MYH15: variants seen among roughly 807,000 people sequenced by gnomAD.
MYH15 encodes myosin-15.
MYH15 carries 227 observed loss-of-function variants against 240.5 expected under a neutral mutation model. The ratio of observed to expected loss-of-function variants is 0.94; its 90% CI spans 0.85 to 1.05. The LOEUF (loss-of-function observed/expected upper bound fraction) is 1.05. Ranked by LOEUF, MYH15 falls within the 50% of genes least tolerant of loss-of-function variation. MYH15 has a pLI of 0.00. For synonymous variants in MYH15, 785 were observed against 796.7 expected, an observed-to-expected ratio of 0.99 and a Z score of 0.25; for missense variants, 2,217 against 2,247.5, an observed-to-expected ratio of 0.99 and a Z score of 0.27.
chr3:108,540,846 G>A, the MYH15 span, among the ~76,000 whole-genome samples: 4 of 151,950 alleles, frequency 2.6e-5, no homozygotes, highest in African/African-American at 7.2e-5. Flanking sequence ...ATGACAGAAC[G>A]GGTTTATTAT....
At chr3:108,550,881 T>A in the MYH15 span, 1 of 203,826 alleles carries the variant, frequency 4.9e-6, no homozygotes, top group East Asian at 1.1e-4. Flanking sequence ...AGAAAAATGA[T>A]AATGGAGGTT....
At chr3:108,426,519 C>A (rs967830829) in intron 27 of MYH15, among the ~76,000 whole-genome samples, 1 of 152,244 alleles carries the variant, frequency 6.6e-6, no homozygotes, top group Non-Finnish European at 1.5e-5. Context: ...CAGGTCACCA[C>A]TCTGGAAGGC....
chr3:108,515,565 C>T (rs1226760240), upstream of MYH15, among the ~76,000 whole-genome samples: 1 of 152,068 alleles, frequency 6.6e-6, no homozygotes, highest in Non-Finnish European at 1.5e-5. Flanking sequence ...TGTTATTTGC[C>T]ATCAAAATAT....
At chr3:108,422,796 T>C (rs992127285) in intron 27 of MYH15, among the ~76,000 whole-genome samples, 2 of 152,296 alleles carry the variant, frequency 1.3e-5, no homozygotes, top group South Asian at 2.1e-4. Context: ...TAGTTTTCAG[T>C]GTTAACCTAA....
rs1246749544 is a variant in MYH15, at chr3:108,380,963, G to A, written c.*582C>T. ...GGGGTTACCTCCATGTTTAAAGCAT[G>A]TACCAGCATATAGCCTACATGTGTG... On this transcript the variant is annotated 3_prime_UTR_variant, in exon 41 of 41. Coordinates refer to ENST00000693548, the MANE Select transcript of MYH15 (RefSeq NM_014981.3). 1 of 152,736 alleles carries A rather than the reference G, an allele frequency of 6.5e-6. No individual in the cohort carries two copies. The highest frequency in any genetic ancestry group is 1.5e-5 in the Non-Finnish European group (1 of 68,462). The allele number at this position is 152,736 out of a possible 1,614,324, so 9.5% of individuals were successfully genotyped here.
intron 33 of MYH15, among the ~76,000 whole-genome samples, chr3:108,403,469 G>A (rs1050326021): frequency 2.0e-5 from 3 of 147,176 alleles, no homozygotes; most frequent in Middle Eastern, 3.6e-3. Context: ...CTGGCTTATC[G>A]TTGATTGCTT....
rs1168170370 is a variant in MYH15, at chr3:108,478,095, G to GA, written c.1115-1581dup. Among the ~76,000 whole-genome samples the GA allele has an allele frequency of 2.5e-3, 368 of 148,176 alleles. 1 individual carries two copies. The highest frequency in any genetic ancestry group is 0.014 in the Middle Eastern group (4 of 288). On this transcript the variant is annotated intron_variant, in intron 11 of 40. Transcript: ENST00000693548. Reference sequence around the variant, plus strand: ...TGCAGCCTTTCTTTAATTCACTAAAGAAAAAAAAAGCTGCAAATTTTCCAG... The same window carrying GA: ...TGCAGCCTTTCTTTAATTCACTAAAGAAAAAAAAAAGCTGCAAATTTTCCAG...
intron 1 of MYH15, among the ~76,000 whole-genome samples, chr3:108,522,539 T>C (rs1474904260): frequency 6.6e-6 from 1 of 152,074 alleles, no homozygotes; most frequent in Non-Finnish European, 1.5e-5. Flanking sequence ...CTATGGATAA[T>C]TGACTTGACG....
intron 28 of MYH15, among the ~76,000 whole-genome samples, chr3:108,418,695 G>A (rs2082655484): frequency 6.6e-6 from 1 of 151,144 alleles, no homozygotes; most frequent in African/African-American, 2.4e-5. Context: ...GCAATGGTGC[G>A]ATCTCAGCTC....
intron 10 of MYH15, 105 bp from the exon 11 acceptor site, chr3:108,485,334 A>T: frequency 1.6e-6 from 2 of 1,270,668 alleles, no homozygotes; most frequent in Non-Finnish European, 2.2e-6. Context: ...GAGGGGAATG[A>T]GACAGACAGC....
intron 19 of MYH15, among the ~76,000 whole-genome samples, chr3:108,456,224 G>T (rs2140338): frequency 0.76 from 115,226 of 152,044 alleles, 43,860 homozygotes; most frequent in Non-Finnish European, 0.78. Context: ...CCTTTACCCT[G>T]TTGGTGAGTT....
rs371323476 is a variant in MYH15 at position 108,439,955 on chromosome 3, A to G, written c.2899-42T>C. On this transcript the variant is annotated intron_variant, in intron 23 of 40. Coordinates refer to ENST00000693548, the MANE Select transcript of MYH15 (RefSeq NM_014981.3). ...ACAGCTTCATTAAAGCCACTGCTGG[A>G]AAGTTGGGCATAACACTGAGGGTCA... The G allele has an allele frequency of 2.4e-3, 3,603 of 1,490,262 alleles. 15 individuals are homozygous for G. Among genetic ancestry groups the G allele is most frequent in the Middle Eastern group, 0.018 (101 of 5,486 alleles). 92.3% of individuals were successfully genotyped at this position (1,490,262 alleles called of 1,614,324 possible).
intron 25 of MYH15, among the ~76,000 whole-genome samples, chr3:108,435,536 A>T (rs867763090): frequency 1.1e-4 from 16 of 152,052 alleles, no homozygotes; most frequent in Middle Eastern, 3.4e-3. Context: ...ATTATTTTAG[A>T]TACCTCTATC....
At chr3:108,522,654 T>C (rs1262826723) in intron 1 of MYH15, among the ~76,000 whole-genome samples, 1 of 152,126 alleles carries the variant, frequency 6.6e-6, no homozygotes, top group African/African-American at 2.4e-5. Context: ...TCTAGTAGTG[T>C]AATTCACAGA....
At chr3:108,522,755 C>A (rs1559676645) in intron 1 of MYH15, among the ~76,000 whole-genome samples, 3 of 152,078 alleles carry the variant, frequency 2.0e-5, no homozygotes, top group African/African-American at 4.8e-5. Context: ...TGCTACAGAA[C>A]TATTTGAGGG....
chr3:108,418,667 T>A (rs2082655274), intron 28 of MYH15, among the ~76,000 whole-genome samples: 1 of 151,814 alleles, frequency 6.6e-6, no homozygotes, highest in South Asian at 2.1e-4. Flanking sequence ...GTTTTACTCT[T>A]GTTGCCCAGG....
chr3:108,499,773 T>A (rs1036052029), intron 4 of MYH15, among the ~76,000 whole-genome samples: 9 of 152,182 alleles, frequency 5.9e-5, no homozygotes, highest in African/African-American at 1.9e-4. Flanking sequence ...CTTTTAAGAA[T>A]CGTTGTGTAA....
At chr3:108,390,741 G>A (rs932117303) in intron 37 of MYH15, among the ~76,000 whole-genome samples, 9 of 152,110 alleles carry the variant, frequency 5.9e-5, no homozygotes, top group Non-Finnish European at 1.2e-4. Context: ...AACTTCATTT[G>A]CTTCCATTGG....
In MYH15 at chr3:108,414,383, A is replaced by G. The variant is rs377392126; in HGVS notation, c.3994T>C (p.Cys1332Arg). ...AHALQKAQRD[C>R]DLLREQYEEE... is the part of the protein sequence containing the mutation. ...TCATACTGCTCTCGTAGAAGGTCAC[A>G]GTCACGCTGAGCCTTCTGCAGGGCA... The change falls in exon 30 of 41, where the codon TGT (cysteine) becomes CGT (arginine). Residue 1332 changes from cysteine (C) to arginine (R), a missense_variant. Transcript: ENST00000693548. 1.1e-5 allele frequency: 18 copies of G among 1,614,206 alleles called. 2 individuals are homozygous for G. The African/African-American group carries it at 2.3e-4, about 20-fold the overall frequency.
Sources: allele counts gnomAD v4.1 joint callset (sites outside exome capture counted in the v4.1 genomes callset), GRCh38; gene constraint gnomAD v4.1.1; transcripts MANE v1.5; gene names NCBI Gene and HGNC (gene_info 2026-07-23, HGNC 2026-07-21).